The following KIAA1671 variants were observed in gnomAD, a reference collection of about 807,000 sequenced individuals.
KIAA1671 encodes uncharacterized protein KIAA1671.
Under a neutral mutation model 131.2 loss-of-function variants are expected in KIAA1671, and 52 were observed. The observed-to-expected ratio is 0.40, with a 90% CI of 0.32 to 0.50. KIAA1671 has a LOEUF of 0.50. Ranked by LOEUF, KIAA1671 falls within the 20% of genes least tolerant of loss-of-function variation. KIAA1671 has a pLI of 0.73. For missense variants in KIAA1671, 2,360 were observed against 2,364.2 expected (o/e 1.00, Z 0.04); for synonymous variants, 1,003 against 961.6 (o/e 1.04, Z -0.80).
chr22:25,191,110 G>A (rs1447189525), intron 12 of KIAA1671, among the ~76,000 whole-genome samples: 1 of 151,954 alleles, frequency 6.6e-6, no homozygotes, highest in Non-Finnish European at 1.5e-5. Flanking sequence ...CAAAAGGGCG[G>A]GGACATCAGA....
At chr22:24,987,890 C>T (rs567446971) in intron 1 of KIAA1671, among the ~76,000 whole-genome samples, 39 of 152,310 alleles carry the variant, frequency 2.6e-4, no homozygotes, top group Middle Eastern at 3.4e-3. Flanking sequence ...GCCTTGTAGT[C>T]TCTGACCCCT....
At chr22:25,184,520 A>G (rs1001062981) in intron 10 of KIAA1671, among the ~76,000 whole-genome samples, 4 of 152,172 alleles carry the variant, frequency 2.6e-5, no homozygotes, top group Non-Finnish European at 5.9e-5. Flanking sequence ...CATTCCCAAC[A>G]TGCCCTCCAA....
chr22:25,059,974 C>A (rs764746077), intron 6 of KIAA1671: 3 of 152,170 alleles, frequency 2.0e-5, no homozygotes, highest in Non-Finnish European at 4.4e-5. Flanking sequence ...ACCCGGGGCA[C>A]CTTGGGGCTT....
intron 3 of KIAA1671, among the ~76,000 whole-genome samples, chr22:25,031,693 C>G (rs1332285095): frequency 1.3e-5 from 2 of 152,140 alleles, no homozygotes; most frequent in African/African-American, 4.8e-5. Context: ...CTGACAACCC[C>G]TGAATTAAGA....
At chr22:25,121,625 C>T (rs1931949777) in intron 6 of KIAA1671, among the ~76,000 whole-genome samples, 1 of 152,184 alleles carries the variant, frequency 6.6e-6, no homozygotes, top group Non-Finnish European at 1.5e-5. Context: ...GGTATAAATA[C>T]TCCCACCATA....
Position 25,040,626 on chromosome 22 carries a change from CTG to C in KIAA1671, c.3497_3498del (p.Leu1166GlnfsTer14). The C allele has an allele frequency of 6.4e-7, 1 of 1,551,874 alleles. No individual in the cohort carries two copies. The highest frequency in any genetic ancestry group is 8.7e-7 in the Non-Finnish European group (1 of 1,147,044). On this transcript the variant is annotated frameshift_variant, in exon 5 of 13. Transcript: ENST00000358431. LOFTEE classifies it high-confidence loss of function. ...CGGAGCTCCCCAAACCACCCCGACT[CTG>C]AGGAGTCGTCCAAAAGATCTTCCTG... Reference protein sequence around the residue: ...SGGAPQTTPTLRSRPKDLPVR... With the variant: ...SGGAPQTTPTXRSRPKDLPVR...
intron 6 of KIAA1671, among the ~76,000 whole-genome samples, chr22:25,122,690 A>T (rs1040750182): frequency 6.6e-6 from 1 of 152,130 alleles, no homozygotes; most frequent in African/African-American, 2.4e-5. Flanking sequence ...AACAGTCATT[A>T]TTGGCCGGTT....
At chr22:24,999,459 C>T (rs537984608) in intron 1 of KIAA1671, among the ~76,000 whole-genome samples, 81 of 146,774 alleles carry the variant, frequency 5.5e-4, no homozygotes, top group Admixed American at 7.5e-4. Context: ...TCAAACTTCT[C>T]GGCTCAAGTG....
chr22:24,963,364 CAAAAAAAA>C (rs766667437), intron 1 of KIAA1671, among the ~76,000 whole-genome samples: 491 of 46,664 alleles, frequency 0.011, 2 homozygotes, highest in African/African-American at 0.036. Flanking sequence ...AACTCCATCT[CAAAAAAAA>C]AAAAAAAAAA....
At chr22:25,180,758 G>A (rs951694224) in intron 9 of KIAA1671, among the ~76,000 whole-genome samples, 1 of 152,198 alleles carries the variant, frequency 6.6e-6, no homozygotes, top group East Asian at 1.9e-4. Flanking sequence ...TGCTTGGAGA[G>A]TTCTCTCTCC....
In KIAA1671 at chr22:25,038,969, A is replaced by G. The variant is rs1345403495; in HGVS notation, c.1839A>G (p.Thr613=). The G allele has an allele frequency of 1.9e-6, 3 of 1,551,802 alleles. No homozygotes were observed. The highest frequency in any genetic ancestry group is 2.6e-6 in the Non-Finnish European group (3 of 1,147,038). The change falls in exon 5 of 13, where the codon ACA becomes ACG. Residue 613 remains threonine, a synonymous_variant. Coordinates refer to ENST00000358431, the MANE Select transcript of KIAA1671 (RefSeq NM_001145206.2). ...DDRSFQTVWA[T]VFEHHVERHT... Reference sequence around the variant, plus strand: ...GGAGCTTCCAGACTGTGTGGGCCACAGTATTTGAGCACCACGTGGAGAGAC... The same window carrying G: ...GGAGCTTCCAGACTGTGTGGGCCACGGTATTTGAGCACCACGTGGAGAGAC...
Position 25,039,993 on chromosome 22 carries a change from A to C in KIAA1671, c.2863A>C (p.Asn955His), listed in dbSNP as rs1390328627. The C allele has an allele frequency of 2.6e-6, 4 of 1,551,104 alleles. No individual in the cohort carries two copies. The highest frequency in any genetic ancestry group is 2.6e-6 in the Non-Finnish European group (3 of 1,146,718). The change falls in exon 5 of 13, where the codon AAC (asparagine) becomes CAC (histidine). Residue 955 changes from asparagine (N) to histidine (H), a missense_variant. This residue lies in a region of KIAA1671 where 1,161 missense variants were observed against 1,204.7 expected (regional missense o/e 0.96). Transcript: ENST00000358431. ...ATGGCGGCGGCGGACTTTACCCCCC[A>C]ACGTGAAATTTGATACATTCAGTTC... is the stretch of plus-strand genomic sequence containing the variant. ...DRWRRRTLPP[N>H]VKFDTFSSLV...
At chr22:25,151,017 G>A (rs952088990) in intron 6 of KIAA1671, among the ~76,000 whole-genome samples, 1 of 151,998 alleles carries the variant, frequency 6.6e-6, no homozygotes, top group Admixed American at 6.5e-5. Flanking sequence ...TGTATTTTTA[G>A]TAGAGACGGG....
intron 11 of KIAA1671, 58 bp from the exon 12 acceptor site, chr22:25,190,644 C>A: frequency 7.0e-7 from 1 of 1,429,230 alleles, no homozygotes; most frequent in Non-Finnish European, 9.7e-7. Flanking sequence ...CTCAGTCCTG[C>A]CCGCAAGGAG....
At chr22:25,051,763 T>C (rs916780458) in intron 6 of KIAA1671, 2 of 152,224 alleles carry the variant, frequency 1.3e-5, no homozygotes, top group Non-Finnish European at 2.9e-5. Flanking sequence ...CCTCTGGAAA[T>C]TGGTCATACA....
At chr22:25,050,758 G>T (rs1376147116) in intron 6 of KIAA1671, 1 of 152,202 alleles carries the variant, frequency 6.6e-6, no homozygotes, top group Non-Finnish European at 1.5e-5. Context: ...TTTCCTCGAG[G>T]ATCCAGATCC....
chr22:25,017,674 G>A (rs1354076338), intron 1 of KIAA1671, among the ~76,000 whole-genome samples: 1 of 152,200 alleles, frequency 6.6e-6, no homozygotes, highest in Non-Finnish European at 1.5e-5. Context: ...AAAGTAGGAT[G>A]ATTGAATAAT....
chr22:25,135,163 C>G (rs982520821), intron 6 of KIAA1671, among the ~76,000 whole-genome samples: 13 of 152,164 alleles, frequency 8.5e-5, no homozygotes, highest in Non-Finnish European at 1.9e-4. Context: ...GTGCCAGTGG[C>G]TTTCCCTGCA....
At chr22:25,096,156 A>G (rs1930380526) in intron 6 of KIAA1671, among the ~76,000 whole-genome samples, 1 of 152,216 alleles carries the variant, frequency 6.6e-6, no homozygotes, top group South Asian at 2.1e-4. Flanking sequence ...TCAGATGAGG[A>G]GAGACCATCT....
Sources: gnomAD v4.1 joint callset for allele counts (sites outside exome capture counted in the v4.1 genomes callset) on GRCh38, gnomAD v4.1.1 for gene constraint, gnomAD v4.1.1 regional missense constraint, MANE v1.5 for transcripts, NCBI Gene and HGNC (gene_info 2026-07-23, HGNC 2026-07-21) for gene names.